CRACR2A: variants seen among roughly 807,000 people sequenced by gnomAD.
CRACR2A encodes EF-hand calcium-binding domain-containing protein 4B.
A neutral mutation model predicts 90.5 loss-of-function variants in CRACR2A; 79 were observed. The ratio of observed to expected loss-of-function variants is 0.87; its 90% CI spans 0.73 to 1.05. The LOEUF (loss-of-function observed/expected upper bound fraction) is 1.05. CRACR2A is among the 50% of genes least tolerant of loss of function. The probability of loss-of-function intolerance (pLI) is 0.00; values close to 1 mark genes in which losing one functional copy is unlikely to be tolerated. For synonymous variants in CRACR2A, 338 were observed against 356.7 expected, an observed-to-expected ratio of 0.95 and a Z score of 0.59; for missense variants, 823 against 897.2, an observed-to-expected ratio of 0.92 and a Z score of 1.06.
At chr12:3,685,151 G>A (rs1945529361) in intron 4 of CRACR2A, among the ~76,000 whole-genome samples, 1 of 152,226 alleles carries the variant, frequency 6.6e-6, no homozygotes, top group South Asian at 2.1e-4. Flanking sequence ...CCTCCAGGAG[G>A]CAAAATTGCC....
chr12:3,655,604 C>T (rs11612137), intron 9 of CRACR2A, among the ~76,000 whole-genome samples: 2 of 152,218 alleles, frequency 1.3e-5, no homozygotes, highest in African/African-American at 2.4e-5. Context: ...GGAGCCCTTG[C>T]TAAGCAGTGG....
intron 8 of CRACR2A, among the ~76,000 whole-genome samples, chr12:3,658,895 C>T (rs148789162): frequency 6.6e-4 from 100 of 151,858 alleles, no homozygotes; most frequent in Non-Finnish European, 1.1e-3. Flanking sequence ...AAGAGGATTT[C>T]GCCAATCCTG....
At chr12:3,651,485 A>G (rs926103054) in intron 10 of CRACR2A, among the ~76,000 whole-genome samples, 26 of 152,208 alleles carry the variant, frequency 1.7e-4, no homozygotes, top group African/African-American at 6.3e-4. Flanking sequence ...ACTCAAAATA[A>G]AAGTTAATTA....
intron 1 of CRACR2A, chr12:3,752,384 ACG>A (rs1175832686): frequency 9.0e-5 from 9 of 99,672 alleles, no homozygotes; most frequent in African/African-American, 2.9e-4. Flanking sequence ...ACACACACAC[ACG>A]GACACACACA....
chr12:3,731,814 A>AT (rs1946364564), intron 2 of CRACR2A: 1 of 152,218 alleles, frequency 6.6e-6, no homozygotes, highest in Non-Finnish European at 1.5e-5. Context: ...GGAGAATGCC[A>AT]TGTGATGATA....
rs145041742 is a variant in CRACR2A, at chr12:3,746,352, GCTCTCT to G, written c.-387+6657_-387+6662del. On this transcript the variant is annotated intron_variant, in intron 1 of 19. Coordinates refer to ENST00000440314, the MANE Select transcript of CRACR2A (RefSeq NM_001144958.2). This position sits in a 1 kb window ranked among gnomAD's most constrained non-coding sequence, Gnocchi z 4.4. The stretch of plus-strand genomic sequence containing the variant: ...GCCCATCATGAAGAGACACCAGAGA[GCTCTCT>G]CTCTCTCTCTCTCTCCCCATCTCTC... Among the ~76,000 whole-genome samples the G allele has an allele frequency of 4.8e-5, 7 of 147,138 alleles. No individual in the cohort carries two copies. Among genetic ancestry groups the G allele is most frequent in the African/African-American group, 1.5e-4 (6 of 40,072 alleles).
At chr12:3,678,598 T>C (rs1591680675) in intron 6 of CRACR2A, among the ~76,000 whole-genome samples, 1 of 151,218 alleles carries the variant, frequency 6.6e-6, no homozygotes, top group East Asian at 2.0e-4. Context: ...GAGTGCCTCA[T>C]GAGGAGCAAG....
chr12:3,664,530 T>C (rs1945093222), intron 7 of CRACR2A, among the ~76,000 whole-genome samples: 1 of 152,232 alleles, frequency 6.6e-6, no homozygotes, highest in South Asian at 2.1e-4. Flanking sequence ...TACATGTTGT[T>C]CTTCTTTATG....
chr12:3,715,169 A>C (rs1468132487), intron 2 of CRACR2A, among the ~76,000 whole-genome samples: 1 of 152,262 alleles, frequency 6.6e-6, no homozygotes, highest in Admixed American at 6.5e-5. Context: ...AGAAGCAAAT[A>C]GGTCTCCCAG....
At chr12:3,715,347 G>A (rs1445641207) in intron 2 of CRACR2A, among the ~76,000 whole-genome samples, 1 of 152,250 alleles carries the variant, frequency 6.6e-6, no homozygotes, top group Non-Finnish European at 1.5e-5. Context: ...TGCTGTCACT[G>A]AGTACAACCA....
chr12:3,664,432 C>CT lies in CRACR2A; in HGVS notation c.672-4779dup, dbSNP rs548458543. Reference sequence around the variant, plus strand: ...AAGCAAATTTGTTAAAGTCTAAAGTCTTTTTTTTTATTAAGTTTTCTTTAT... The same window carrying CT: ...AAGCAAATTTGTTAAAGTCTAAAGTCTTTTTTTTTTATTAAGTTTTCTTTAT... On this transcript the variant is annotated intron_variant, in intron 7 of 19. Transcript: ENST00000440314. 2.1e-3 allele frequency among the ~76,000 whole-genome samples: 321 copies of CT among 151,484 alleles called. 7 individuals carry two copies. The East Asian group carries it at 0.038, about 18-fold the overall frequency.
chr12:3,736,868 C>T (rs548771206), intron 1 of CRACR2A, among the ~76,000 whole-genome samples: 16 of 152,270 alleles, frequency 1.1e-4, no homozygotes, highest in East Asian at 9.7e-4. Flanking sequence ...AGGAGGCCAC[C>T]GGTGAACTCA....
chr12:3,673,837 A>C lies in CRACR2A; in HGVS notation c.525-245T>G, dbSNP rs150509642. Reference sequence around the variant, plus strand: ...TTACCCCATTTACAGATGACGAAGCAGGTGAAGAGAGGTGGAGTGAGCTGT... The same window carrying C: ...TTACCCCATTTACAGATGACGAAGCCGGTGAAGAGAGGTGGAGTGAGCTGT... On this transcript the variant is annotated intron_variant, in intron 6 of 19. Coordinates refer to ENST00000440314, the MANE Select transcript of CRACR2A (RefSeq NM_001144958.2). 4.2e-3 allele frequency among the ~76,000 whole-genome samples: 635 copies of C among 152,350 alleles called. 1 individual carries two copies. Among genetic ancestry groups the C allele is most frequent in the Non-Finnish European group, 7.0e-3 (473 of 68,040 alleles).
chr12:3,624,755 G>C (rs150274511), intron 17 of CRACR2A, among the ~76,000 whole-genome samples: 133 of 152,316 alleles, frequency 8.7e-4, no homozygotes, highest in African/African-American at 2.8e-3. Context: ...ACCAGCATCA[G>C]CCTCACATGA....
At chr12:3,634,162 G>A (rs11833867) in intron 14 of CRACR2A, among the ~76,000 whole-genome samples, 39,384 of 152,078 alleles carry the variant, frequency 0.26, 5,474 homozygotes, top group South Asian at 0.37. Flanking sequence ...AAGGTGGGGC[G>A]TTTGCACGGA....
intron 1 of CRACR2A, among the ~76,000 whole-genome samples, chr12:3,751,171 T>C (rs546211468): frequency 6.6e-6 from 1 of 152,346 alleles, no homozygotes; most frequent in East Asian, 1.9e-4. Context: ...GGAACAATCA[T>C]AGCAATCTCC....
intron 9 of CRACR2A, among the ~76,000 whole-genome samples, chr12:3,655,272 A>G (rs1021020382): frequency 2.0e-5 from 3 of 152,248 alleles, no homozygotes; most frequent in Non-Finnish European, 2.9e-5. Flanking sequence ...AACTTAATGC[A>G]TAATAGAGAG....
chr12:3,624,807 C>A (rs1461008502), intron 17 of CRACR2A, among the ~76,000 whole-genome samples: 2 of 152,234 alleles, frequency 1.3e-5, no homozygotes, highest in Admixed American at 1.3e-4. Flanking sequence ...CAGTCCCGAC[C>A]TGCTGAAGCA....
intron 17 of CRACR2A, among the ~76,000 whole-genome samples, chr12:3,620,878 T>A (rs546264516): frequency 2.6e-5 from 4 of 152,346 alleles, no homozygotes; most frequent in African/African-American, 9.6e-5. Context: ...AAGTGGATTG[T>A]ACATATTCCA....
Sources: gnomAD v4.1 joint callset for allele counts (sites outside exome capture counted in the v4.1 genomes callset) on GRCh38, gnomAD v4.1.1 for gene constraint, Gnocchi (gnomAD v3.1) non-coding constraint, MANE v1.5 for transcripts, NCBI Gene and HGNC (gene_info 2026-07-23, HGNC 2026-07-21) for gene names.